The following IL6ST variants were observed in gnomAD, a reference collection of about 807,000 sequenced individuals.
IL6ST encodes the protein interleukin 6 cytokine family signal transducer, also known as interleukin-6 receptor subunit beta.
In IL6ST, 24 loss-of-function variants were observed where a neutral mutation model predicts 91.3. The observed-to-expected ratio is 0.26, with a 90% CI of 0.19 to 0.37. The LOEUF is 0.37. Among genes scored for constraint, IL6ST ranks in the 10% least tolerant of loss-of-function variants. IL6ST has a pLI of 1.00. For missense variants in IL6ST, 914 were observed against 1,078.5 expected, an observed-to-expected ratio of 0.85 and a Z score of 2.14; for synonymous variants, 351 against 373.6, an observed-to-expected ratio of 0.94 and a Z score of 0.70.
chr5:55,951,473 G>C lies in IL6ST; in HGVS notation c.1831C>G (p.Pro611Ala), dbSNP rs1751625971. ...CTTCATTATTTCTTACCAAACTTTG[G>C]GGTAGTAAAAGTGAATTCTGGACCA... is the stretch of plus-strand genomic sequence containing the variant. ...KDGPEFTFTT[P>A]KFAQGEIEAI... The change falls in exon 14 of 17, where the codon CCA becomes GCA. Residue 611 changes from proline (P) to alanine (A), a missense_variant. Pro to Ala is a conservative substitution (Grantham distance 27). Transcript: ENST00000381298. 1.7e-5 allele frequency: 27 copies of C among 1,610,170 alleles called. No individual in the cohort carries two copies. Among genetic ancestry groups the C allele is most frequent in the Non-Finnish European group, 2.2e-5 (26 of 1,178,670 alleles).
Position 55,963,484 on chromosome 5 carries a change from A to T in IL6ST, c.681T>A (p.Asn227Lys), listed in dbSNP as rs886233594. 2 of 1,608,660 alleles carry T rather than the reference A, an allele frequency of 1.2e-6. No homozygotes were observed. Among genetic ancestry groups the T allele is most frequent in the Non-Finnish European group, 1.7e-6 (2 of 1,177,940 alleles). ...GTTCCTCTGAGTTGATCACTGATAA[A>T]TTATGTGGCGGATTGGGCTTCACTG... ...VYKVKPNPPH[N>K]LSVINSEELS... Residue 227 changes from asparagine (N) to lysine (K), a missense_variant, in exon 7 of 17, where the codon AAT (asparagine) becomes AAA (lysine). Asn to Lys is a moderately conservative substitution (Grantham distance 94). Transcript: ENST00000381298.
chr5:55,991,289 A>G (rs1251056781), intron 1 of IL6ST, among the ~76,000 whole-genome samples: 3 of 152,188 alleles, frequency 2.0e-5, no homozygotes, highest in African/African-American at 7.2e-5. Flanking sequence ...CACTTTTTAA[A>G]AAGTCACAAG....
At chr5:55,955,980 C>T (rs1751934859) in intron 10 of IL6ST, 45 bp downstream of exon 10, 1 of 1,361,184 alleles carries the variant, frequency 7.3e-7, no homozygotes, top group Non-Finnish European at 1.1e-6. Flanking sequence ...TACCTAACCA[C>T]CATTTTTCCA....
chr5:55,935,373 C>T lies in IL6ST; in HGVS notation c.*5709G>A, dbSNP rs1022438209. The T allele has an allele frequency of 4.5e-5, 9 of 200,996 alleles. No homozygotes were observed. Among genetic ancestry groups the T allele is most frequent in the Non-Finnish European group, 7.2e-5 (7 of 97,672 alleles). 12.5% of individuals were successfully genotyped at this position (200,996 alleles called of 1,614,324 possible). A position where few individuals can be genotyped will look rare whatever the true frequency, so the allele number is the denominator to read the frequency against. On this transcript the variant is annotated 3_prime_UTR_variant, in exon 17 of 17. Transcript: ENST00000381298. ...GGTTTCTAAAACTAAGCTCTGGCTT[C>T]GTATCTGTTGAAAATCTTTAGCGGT...
chr5:55,980,201 A>G (rs966829753), intron 2 of IL6ST, among the ~76,000 whole-genome samples: 3 of 152,202 alleles, frequency 2.0e-5, no homozygotes, highest in African/African-American at 7.2e-5. Flanking sequence ...CAGCCTTGCA[A>G]TGTTGACCAT....
rs551813091 is a variant in IL6ST, at chr5:55,940,216, T to C, written c.*866A>G. The C allele has an allele frequency of 1.9e-4, 39 of 210,770 alleles. No homozygotes were observed. Among genetic ancestry groups the C allele is most frequent in the African/African-American group, 8.1e-4 (36 of 44,196 alleles). 13.1% of individuals were successfully genotyped at this position (210,770 alleles called of 1,614,324 possible). A position where few individuals can be genotyped will look rare whatever the true frequency, so the allele number is the denominator to read the frequency against. On this transcript the variant is annotated 3_prime_UTR_variant, in exon 17 of 17. Coordinates refer to ENST00000381298, the MANE Select transcript of IL6ST (RefSeq NM_002184.4). ...TTTTAGATGCTTTATTGGTTTTTTT[T>C]CCCCTTTACTACTACTTCCTGTTTT... is the stretch of plus-strand genomic sequence containing the variant.
At chr5:55,963,312 AAAG>A (rs777066871) in intron 7 of IL6ST, 37 bp downstream of exon 7, 4 of 1,416,834 alleles carry the variant, frequency 2.8e-6, no homozygotes, top group Non-Finnish European at 9.6e-7. Flanking sequence ...TAGAGGGTTG[AAAG>A]AAGGACTATT....
intron 1 of IL6ST, among the ~76,000 whole-genome samples, chr5:55,983,453 C>T (rs757632770): frequency 1.3e-5 from 2 of 152,078 alleles, no homozygotes; most frequent in Non-Finnish European, 2.9e-5. Context: ...CTAAATTAAG[C>T]CTGCTAACAA....
chr5:55,982,554 A>G (rs1323989928), intron 2 of IL6ST, among the ~76,000 whole-genome samples, 170 bp downstream of exon 2: 1 of 152,220 alleles, frequency 6.6e-6, no homozygotes, highest in Admixed American at 6.5e-5. Flanking sequence ...TTATGAGTTC[A>G]TAACAATTAA....
chr5:55,985,314 G>C (rs919444351), intron 1 of IL6ST, among the ~76,000 whole-genome samples: 18 of 151,874 alleles, frequency 1.2e-4, no homozygotes, highest in African/African-American at 4.4e-4. Flanking sequence ...TCAGAAGTTC[G>C]AGACCAGCCT....
chr5:55,968,190 A>G, intron 5 of IL6ST, 86 bp downstream of exon 5: 1 of 1,129,428 alleles, frequency 8.9e-7, no homozygotes, highest in Non-Finnish European at 1.3e-6. Context: ...AATAGCATTT[A>G]ATATTATTAC....
At chr5:55,972,491 G>C (rs1040892257) in intron 3 of IL6ST, among the ~76,000 whole-genome samples, 11 of 151,622 alleles carry the variant, frequency 7.3e-5, no homozygotes, top group Non-Finnish European at 1.5e-4. Flanking sequence ...CAGCCTGAGC[G>C]ACAGAGTGAG....
chr5:55,957,132 T>G, intron 9 of IL6ST, 77 bp downstream of exon 9: 2 of 711,002 alleles, frequency 2.8e-6, no homozygotes, highest in Non-Finnish European at 2.3e-6. Flanking sequence ...CACTCCTGCC[T>G]GGCAATGGAG....
In IL6ST at chr5:55,936,519, T is replaced by C. The variant is rs1277484186; in HGVS notation, c.*4563A>G. On this transcript the variant is annotated 3_prime_UTR_variant, in exon 17 of 17. Coordinates refer to ENST00000381298, the MANE Select transcript of IL6ST (RefSeq NM_002184.4). ...TTTTAAATCACATTCCATTATGTCA[T>C]TTAAAATGTCACAAAACCCACACGA... The C allele has an allele frequency of 4.7e-6, 1 of 211,384 alleles. No individual in the cohort carries two copies. The highest frequency in any genetic ancestry group is 9.6e-6 in the Non-Finnish European group (1 of 104,442). 13.1% of individuals were successfully genotyped at this position (211,384 alleles called of 1,614,324 possible).
chr5:55,940,137 A>ATGTGTGTGTGTG lies in IL6ST; in HGVS notation c.*944_*945insCACACACACACA, dbSNP rs58368867. The stretch of plus-strand genomic sequence containing the variant: ...AAAAGTCAATGATATGTGTGTGTAT[A>ATGTGTGTGTGTG]TATATATATATATATACACACATTA... On this transcript the variant is annotated 3_prime_UTR_variant, in exon 17 of 17. Coordinates refer to ENST00000381298, the MANE Select transcript of IL6ST (RefSeq NM_002184.4). 1,679 of 177,148 alleles carry ATGTGTGTGTGTG rather than the reference A, an allele frequency of 9.5e-3. 9 individuals carry two copies. Among genetic ancestry groups the ATGTGTGTGTGTG allele is most frequent in the Non-Finnish European group, 0.013 (1,080 of 85,256 alleles). 11.0% of individuals were successfully genotyped at this position (177,148 alleles called of 1,614,324 possible).
At chr5:55,959,693 A>G in intron 8 of IL6ST, 1 of 1,232,940 alleles carries the variant, frequency 8.1e-7, no homozygotes, top group Non-Finnish European at 1.1e-6. Context: ...AAAATGAATA[A>G]AAGGTATAAT....
At position 55,991,758 on chromosome 5, in the gene IL6ST, AT is replaced by A. The variant is rs1754342774; in HGVS notation, c.-104+3025del. Among the ~76,000 whole-genome samples the A allele has an allele frequency of 2.0e-5, 3 of 151,796 alleles. No individual in the cohort carries two copies. The South Asian group carries it at 6.2e-4, about 32-fold the overall frequency. On this transcript the variant is annotated intron_variant, in intron 1 of 16. Transcript: ENST00000381298. ...TTCTCTATTCTAAAAAAAAAAAAAA[AT>A]CCTTTCCTCAGACTCCTCCCTCAAG...
intron 16 of IL6ST, among the ~76,000 whole-genome samples, chr5:55,942,227 T>C (rs1406246834): frequency 1.3e-5 from 2 of 152,210 alleles, no homozygotes; most frequent in Non-Finnish European, 2.9e-5. Context: ...TGAGTTCCCC[T>C]TTGGGGCATA....
chr5:55,959,576 C>A, intron 8 of IL6ST: 1 of 923,676 alleles, frequency 1.1e-6, no homozygotes, highest in Non-Finnish European at 1.5e-6. Context: ...CTTTTTTATT[C>A]TATATCATAT....
Sources: gnomAD v4.1 joint callset for allele counts (sites outside exome capture counted in the v4.1 genomes callset) on GRCh38, gnomAD v4.1.1 for gene constraint, MANE v1.5 for transcripts, NCBI Gene and HGNC (gene_info 2026-07-23, HGNC 2026-07-21) for gene names.